Variants in SPIDR observed in about 807,000 individuals in gnomAD.
SPIDR encodes scaffold protein involved in DNA repair.
In SPIDR, 93 loss-of-function variants were observed where a neutral mutation model predicts 104.6. The observed-to-expected ratio is 0.89, with a 90% CI of 0.75 to 1.06. The LOEUF (loss-of-function observed/expected upper bound fraction) is 1.06. Among genes scored for constraint, SPIDR ranks in the 50% least tolerant of loss-of-function variants. The pLI, the probability that SPIDR is intolerant of heterozygous loss-of-function variation, is 0.00. For missense variants in SPIDR, 1,154 were observed against 1,111.2 expected, an observed-to-expected ratio of 1.04 and a Z score of -0.55; for synonymous variants, 431 against 416.9, an observed-to-expected ratio of 1.03 and a Z score of -0.41.
intron 19 of SPIDR, among the ~76,000 whole-genome samples, chr8:47,730,108 T>A (rs2084955417): frequency 6.6e-6 from 1 of 152,098 alleles, no homozygotes; most frequent in Non-Finnish European, 1.5e-5. Flanking sequence ...TTCCCCAAGA[T>A]GCTTTTTTTT....
intron 5 of SPIDR, among the ~76,000 whole-genome samples, chr8:47,341,433 A>C (rs782622626): frequency 6.6e-6 from 1 of 152,112 alleles, no homozygotes; most frequent in Non-Finnish European, 1.5e-5. Context: ...AGATAAATAA[A>C]CATGCATGGT....
At chr8:47,274,330 A>G (rs1479547254) in intron 1 of SPIDR, among the ~76,000 whole-genome samples, 1 of 151,984 alleles carries the variant, frequency 6.6e-6, no homozygotes, top group East Asian at 1.9e-4. Context: ...ATTGCTACAT[A>G]TTTTCCTTTG....
intron 14 of SPIDR, among the ~76,000 whole-genome samples, 185 bp from the exon 15 acceptor site, chr8:47,712,477 T>A (rs1425666836): frequency 1.3e-5 from 2 of 152,182 alleles, no homozygotes; most frequent in Non-Finnish European, 2.9e-5. Flanking sequence ...TTTAACCAGG[T>A]GCAAAGTCGA....
chr8:47,498,189 C>G (rs1305424958), intron 8 of SPIDR, among the ~76,000 whole-genome samples: 1 of 152,176 alleles, frequency 6.6e-6, no homozygotes, highest in Admixed American at 6.6e-5. Context: ...CTCTCTGTCT[C>G]TCTTTCTCTC....
intron 8 of SPIDR, among the ~76,000 whole-genome samples, chr8:47,536,892 A>G (rs2087009931): frequency 6.6e-6 from 1 of 152,240 alleles, no homozygotes. Context: ...CAACCCAATT[A>G]AAAAATTAAT....
rs759752232 is a variant in SPIDR at position 47,275,245 on chromosome 8, C to T, written c.34-4617C>T. Among the ~76,000 whole-genome samples the T allele has an allele frequency of 5.0e-4, 75 of 150,928 alleles. 1 individual carries two copies. Among genetic ancestry groups the T allele is most frequent in the Non-Finnish European group, 8.4e-4 (57 of 67,748 alleles). The stretch of plus-strand genomic sequence containing the variant: ...CTGCACTCCAGCCTGGGGGAGAGAG[C>T]GAGACTCAGTCTCAAAAAAAAAAGA... On this transcript the variant is annotated intron_variant, in intron 1 of 19. Coordinates refer to ENST00000297423, the MANE Select transcript of SPIDR (RefSeq NM_001080394.4).
At chr8:47,327,036 A>G (rs2047770303) in intron 5 of SPIDR, among the ~76,000 whole-genome samples, 1 of 152,058 alleles carries the variant, frequency 6.6e-6, no homozygotes, top group Non-Finnish European at 1.5e-5. Context: ...CAATGACTGA[A>G]CCATTTTACA....
intron 1 of SPIDR, among the ~76,000 whole-genome samples, chr8:47,269,347 T>C (rs2034786293): frequency 1.3e-5 from 2 of 151,752 alleles, no homozygotes; most frequent in African/African-American, 4.8e-5. Flanking sequence ...AACCTCTGCC[T>C]CCTGGGTTCA....
At chr8:47,276,764 C>T (rs2154218726) in intron 1 of SPIDR, 1 of 152,200 alleles carries the variant, frequency 6.6e-6, no homozygotes, top group African/African-American at 2.4e-5. Flanking sequence ...GAGACTTGAA[C>T]ATGATTGAAT....
chr8:47,345,763 TTGTC>T, intron 5 of SPIDR, among the ~76,000 whole-genome samples: 1 of 126,922 alleles, frequency 7.9e-6, no homozygotes, highest in Non-Finnish European at 1.7e-5. Context: ...GGCTGTCTGT[TTGTC>T]TCTTATTGGT....
chr8:47,404,721 GGA>G (rs377362043), intron 6 of SPIDR, among the ~76,000 whole-genome samples: 3,986 of 152,236 alleles, frequency 0.026, 130 homozygotes, highest in African/African-American at 0.084. Context: ...GAGAGGATGT[GGA>G]GAGAAATAGG....
At chr8:47,507,805 C>T (rs1336468442) in intron 8 of SPIDR, among the ~76,000 whole-genome samples, 1 of 152,178 alleles carries the variant, frequency 6.6e-6, no homozygotes, top group Non-Finnish European at 1.5e-5. Flanking sequence ...TTAAGCCAAT[C>T]TGTGTGTATC....
At chr8:47,545,087 CTTTCTT>C (rs2089026059) in intron 8 of SPIDR, among the ~76,000 whole-genome samples, 4 of 123,246 alleles carry the variant, frequency 3.2e-5, no homozygotes, top group Non-Finnish European at 6.7e-5. Context: ...TTCTTTCTTT[CTTTCTT>C]TCTTTCTTTC....
intron 8 of SPIDR, among the ~76,000 whole-genome samples, chr8:47,563,480 G>A (rs1385118395): frequency 1.3e-5 from 2 of 152,074 alleles, no homozygotes; most frequent in African/African-American, 4.8e-5. Flanking sequence ...GGCCCCACAT[G>A]GGCCCTCTTG....
At chr8:47,673,614 C>G in intron 10 of SPIDR, 187 bp from the exon 11 acceptor site, 1 of 719,654 alleles carries the variant, frequency 1.4e-6, no homozygotes, top group Non-Finnish European at 2.3e-6. Flanking sequence ...CTGACTCACC[C>G]ATTTAGGAAG....
intron 5 of SPIDR, among the ~76,000 whole-genome samples, chr8:47,314,134 G>A (rs782518647): frequency 4.6e-5 from 7 of 152,186 alleles, no homozygotes; most frequent in Non-Finnish European, 8.8e-5. Context: ...ATGAGTCTAG[G>A]TTGATGGAGC....
chr8:47,343,918 T>C (rs1431252277), intron 5 of SPIDR, among the ~76,000 whole-genome samples: 1 of 151,934 alleles, frequency 6.6e-6, no homozygotes, highest in Non-Finnish European at 1.5e-5. Flanking sequence ...TTTAATCTTC[T>C]GTGGCAGACT....
At chr8:47,650,621 G>A (rs2071435628) in intron 10 of SPIDR, among the ~76,000 whole-genome samples, 1 of 151,976 alleles carries the variant, frequency 6.6e-6, no homozygotes, top group Admixed American at 6.6e-5. Flanking sequence ...AAATTCATAG[G>A]CACCAAAAAA....
In SPIDR at chr8:47,379,401, G is replaced by A. The variant is rs140104363; in HGVS notation, c.526-16975G>A. On this transcript the variant is annotated intron_variant, in intron 5 of 19. Transcript: ENST00000297423. The stretch of plus-strand genomic sequence containing the variant: ...CCACAAAAAATACAAAAATTAGCCA[G>A]GTGTGGTGGTGCACACCTGCAGTTC... Among the ~76,000 whole-genome samples, 1,321 of 152,152 alleles carry A rather than the reference G, an allele frequency of 8.7e-3. 17 individuals carry two copies. The highest frequency in any genetic ancestry group is 0.014 in the Middle Eastern group (4 of 294).
Sources: allele counts gnomAD v4.1 joint callset (sites outside exome capture counted in the v4.1 genomes callset), GRCh38; gene constraint gnomAD v4.1.1; transcripts MANE v1.5; gene names NCBI Gene and HGNC (gene_info 2026-07-23, HGNC 2026-07-21).